The following GPC5 variants were observed in gnomAD, a reference collection of about 807,000 sequenced individuals.
GPC5 encodes glypican 5, also known as glypican-5.
GPC5 carries 47 observed loss-of-function variants against 53.9 expected under a neutral mutation model. That is an observed-to-expected ratio of 0.87 (90% CI 0.69 to 1.11). The LOEUF is 1.11. Among genes scored for constraint, GPC5 ranks in the 50% most tolerant of loss-of-function variants. The probability of loss-of-function intolerance (pLI) is 0.00; values close to 1 mark genes in which losing one functional copy is unlikely to be tolerated. For missense variants in GPC5, 748 were observed against 713.1 expected, an observed-to-expected ratio of 1.05 and a Z score of -0.56; for synonymous variants, 286 against 263.3, an observed-to-expected ratio of 1.09 and a Z score of -0.84.
chr13:92,109,185 G>A (rs1237998937), intron 6 of GPC5, among the ~76,000 whole-genome samples: 1 of 147,438 alleles, frequency 6.8e-6, no homozygotes, highest in Non-Finnish European at 1.5e-5. Context: ...TCCCATCTCA[G>A]CCTCCTAAGT....
chr13:91,573,462 A>T (rs759175383), intron 2 of GPC5, among the ~76,000 whole-genome samples: 14 of 152,196 alleles, frequency 9.2e-5, no homozygotes, highest in Non-Finnish European at 1.8e-4. Context: ...TGCGTATTAC[A>T]AAGTAATGAA....
At chr13:91,982,819 T>C (rs868371501) in intron 6 of GPC5, among the ~76,000 whole-genome samples, 1 of 152,192 alleles carries the variant, frequency 6.6e-6, no homozygotes, top group South Asian at 2.1e-4. Context: ...TTGAGAATTA[T>C]TCCATTAGAG....
intron 2 of GPC5, among the ~76,000 whole-genome samples, chr13:91,634,189 A>G (rs576590715): frequency 5.9e-5 from 9 of 152,172 alleles, no homozygotes; most frequent in Admixed American, 3.9e-4. Flanking sequence ...TTATTATTCA[A>G]TAATCTATTT....
chr13:91,644,107 A>C (rs2034501581), intron 2 of GPC5, among the ~76,000 whole-genome samples: 1 of 152,094 alleles, frequency 6.6e-6, no homozygotes, highest in Admixed American at 6.5e-5. Context: ...GTTTATTTTT[A>C]ATTGTGACTA....
At chr13:92,402,085 C>G (rs1369464078) in intron 7 of GPC5, among the ~76,000 whole-genome samples, 1 of 152,094 alleles carries the variant, frequency 6.6e-6, no homozygotes, top group African/African-American at 2.4e-5. Flanking sequence ...AAAGGAATTA[C>G]ACCCCGCTTC....
intron 7 of GPC5, among the ~76,000 whole-genome samples, chr13:92,273,997 A>G (rs2042858123): frequency 6.6e-6 from 1 of 152,170 alleles, no homozygotes; most frequent in Non-Finnish European, 1.5e-5. Context: ...TTAATTGACT[A>G]GTTTCTTTAA....
At chr13:92,695,207 GC>G (rs1887522426) in intron 7 of GPC5, among the ~76,000 whole-genome samples, 1 of 152,018 alleles carries the variant, frequency 6.6e-6, no homozygotes, top group African/African-American at 2.4e-5. Context: ...ATGCTTGTTG[GC>G]CACTTGTATG....
rs1457850405 is a variant in GPC5, at chr13:91,720,909, CAGAT to C, written c.1021-7618_1021-7615del. 2.0e-5 allele frequency among the ~76,000 whole-genome samples: 3 copies of C among 152,122 alleles called. No homozygotes were observed. The East Asian group carries it at 5.8e-4, about 29-fold the overall frequency. On this transcript the variant is annotated intron_variant, in intron 3 of 7. Transcript: ENST00000377067. Reference sequence around the variant, plus strand: ...CAATAAATAGATCCAGATAGATAGACAGATAGATCCAGATAGATAGATCTTCCAA... The same window carrying C: ...CAATAAATAGATCCAGATAGATAGACAGATCCAGATAGATAGATCTTCCAA...
chr13:91,817,369 T>C (rs1418082566), intron 5 of GPC5, among the ~76,000 whole-genome samples: 1 of 152,208 alleles, frequency 6.6e-6, no homozygotes, highest in African/African-American at 2.4e-5. Flanking sequence ...AATCCTTCCT[T>C]ATAACATTTA....
At chr13:92,072,072 TA>T (rs1216415123) in intron 6 of GPC5, among the ~76,000 whole-genome samples, 6 of 146,122 alleles carry the variant, frequency 4.1e-5, no homozygotes, top group Non-Finnish European at 6.0e-5. Flanking sequence ...TTTATATATA[TA>T]AAAATATATA....
At position 92,866,596 on chromosome 13, in the gene GPC5, G is replaced by C; in HGVS notation, c.*157G>C. On this transcript the variant is annotated 3_prime_UTR_variant, in exon 8 of 8. Coordinates refer to ENST00000377067, the MANE Select transcript of GPC5 (RefSeq NM_004466.6). ...GAAGCCAAGCTGAAATATTCATAAA[G>C]TCCCTAAAACTCAACGTTTAAATGA... 1.8e-6 allele frequency: 1 copy of C among 557,208 alleles called. No individual in the cohort carries two copies. Among genetic ancestry groups the C allele is most frequent in the East Asian group, 3.2e-5 (1 of 30,818 alleles). The allele number at this position is 557,208 out of a possible 1,614,324, so 34.5% of individuals were successfully genotyped here. A position where few individuals can be genotyped will look rare whatever the true frequency, so the allele number is the denominator to read the frequency against.
chr13:91,700,355 G>T (rs1437575802), intron 3 of GPC5, among the ~76,000 whole-genome samples: 2 of 152,192 alleles, frequency 1.3e-5, no homozygotes, highest in Non-Finnish European at 2.9e-5. Flanking sequence ...TTATCTTTCT[G>T]TTAAATATTG....
rs1566446337 is a variant in GPC5, at chr13:92,125,923, G to GTTTTTTTTTTTTTTTTTTT, written c.1402-18907_1402-18906insTTTTTTTTTTTTTTTTTTT. Among the ~76,000 whole-genome samples the GTTTTTTTTTTTTTTTTTTT allele has an allele frequency of 1.7e-4, 7 of 41,536 alleles. 3 individuals are homozygous for GTTTTTTTTTTTTTTTTTTT. Among genetic ancestry groups the GTTTTTTTTTTTTTTTTTTT allele is most frequent in the Non-Finnish European group, 9.9e-5 (2 of 20,260 alleles). 27.2% of individuals were successfully genotyped at this position (41,536 alleles called of 152,430 possible). On this transcript the variant is annotated intron_variant, in intron 6 of 7. Coordinates refer to ENST00000377067, the MANE Select transcript of GPC5 (RefSeq NM_004466.6). ...ATTAGAAAGGAAACATTTGTTTTTTGGTTTTTTTTTTTTTTTTTTTTTTTT... is the reference window on the plus strand; with the variant it reads ...ATTAGAAAGGAAACATTTGTTTTTTGTTTTTTTTTTTTTTTTTTTGTTTTTTTTTTTTTTTTTTTTTTTT...
intron 7 of GPC5, among the ~76,000 whole-genome samples, chr13:92,300,267 T>A (rs1457370482): frequency 1.3e-5 from 2 of 152,104 alleles, no homozygotes; most frequent in Admixed American, 6.5e-5. Flanking sequence ...TTTCTCTGAT[T>A]TTCTTTCCAA....
intron 7 of GPC5, among the ~76,000 whole-genome samples, chr13:92,499,676 A>T (rs1880110045): frequency 6.6e-6 from 1 of 152,190 alleles, no homozygotes; most frequent in Non-Finnish European, 1.5e-5. Context: ...ATATTACAGT[A>T]AAGATTTAAA....
chr13:92,239,933 A>G (rs888506414), intron 7 of GPC5: 1 of 32,104 alleles, frequency 3.1e-5, no homozygotes, highest in African/African-American at 1.0e-4. Context: ...TATATATATA[A>G]GAAACACATC....
chr13:91,528,459 AGCCTGGACTTCATTGTCCATGTCG>A (rs1886187643), intron 2 of GPC5, among the ~76,000 whole-genome samples: 1 of 152,168 alleles, frequency 6.6e-6, no homozygotes, highest in African/African-American at 2.4e-5. Context: ...ACACCACCTC[AGCCTGGACTTCATTGTCCATGTCG>A]TTATCAGCAT....
At chr13:92,540,771 A>C (rs1881907082) in intron 7 of GPC5, among the ~76,000 whole-genome samples, 1 of 151,912 alleles carries the variant, frequency 6.6e-6, no homozygotes, top group Non-Finnish European at 1.5e-5. Context: ...ATCTAATGAC[A>C]ACATGTATAT....
At chr13:92,095,271 C>G (rs1692854059) in intron 6 of GPC5, among the ~76,000 whole-genome samples, 1 of 152,104 alleles carries the variant, frequency 6.6e-6, no homozygotes, top group African/African-American at 2.4e-5. Flanking sequence ...TACCAATTCT[C>G]CTTTTTTCGT....
Sources: allele counts gnomAD v4.1 joint callset (sites outside exome capture counted in the v4.1 genomes callset), GRCh38; gene constraint gnomAD v4.1.1; transcripts MANE v1.5; gene names NCBI Gene and HGNC (gene_info 2026-07-23, HGNC 2026-07-21).